PCYT1B: variants seen among roughly 807,000 people sequenced by gnomAD.
PCYT1B encodes the protein choline-phosphate cytidylyltransferase B.
Under a neutral mutation model 26.4 loss-of-function variants are expected in PCYT1B, and 10 were observed. That is an observed-to-expected ratio of 0.38 (90% confidence interval 0.23 to 0.64). The LOEUF is 0.64. Among genes scored for constraint, PCYT1B ranks in the 30% least tolerant of loss-of-function variants. PCYT1B has a pLI of 0.56. For missense variants in PCYT1B, 161 were observed against 292.7 expected, an observed-to-expected ratio of 0.55 and a Z score of 3.28; for synonymous variants, 131 against 108.4, an observed-to-expected ratio of 1.21 and a Z score of -1.29.
intron 3 of PCYT1B, among the ~76,000 whole-genome samples, chrX:24,592,273 A>G (rs905095139): frequency 3.6e-5 from 4 of 112,187 alleles, no homozygotes; most frequent in Admixed American, 9.4e-5. Flanking sequence ...GCCTAATCTC[A>G]CAAGATGTGT....
rs1310917949 is a variant in PCYT1B at position 24,561,270 on chromosome X, C to T, written c.*1023G>A. 8.9e-6 allele frequency: 1 copy of T among 111,917 alleles called. No individual in the cohort carries two copies. The highest frequency in any genetic ancestry group is 1.9e-5 in the Non-Finnish European group (1 of 53,153). The allele number at this position is 111,917 out of a possible 1,213,427, so 9.2% of individuals were successfully genotyped here. A position where few individuals can be genotyped will look rare whatever the true frequency, so the allele number is the denominator to read the frequency against. On this transcript the variant is annotated 3_prime_UTR_variant, in exon 8 of 8. Transcript: ENST00000379144. ...TTATAAAATGCCACCACTATATACT[C>T]ATATTGCACATGGGATACACCCGGG...
Position 24,608,925 on chromosome X carries a change from T to G in PCYT1B, c.218-1064A>C, listed in dbSNP as rs1378602037. 2.7e-5 allele frequency among the ~76,000 whole-genome samples: 3 copies of G among 111,746 alleles called. No individual in the cohort carries two copies. In the Admixed American group the frequency reaches 2.9e-4, roughly 11 times the overall value. ...ATGCCTCCTACATTTATATAGAAAATTCTATGTATTTTGCCAACCTTGACA... is the reference window on the plus strand; with the variant it reads ...ATGCCTCCTACATTTATATAGAAAAGTCTATGTATTTTGCCAACCTTGACA... On this transcript the variant is annotated intron_variant, in intron 2 of 7. Coordinates refer to ENST00000379144, the MANE Select transcript of PCYT1B (RefSeq NM_004845.5).
At chrX:24,625,917 C>A (rs1352141941) in intron 1 of PCYT1B, among the ~76,000 whole-genome samples, 2 of 107,835 alleles carry the variant, frequency 1.9e-5, no homozygotes, top group African/African-American at 3.4e-5. Context: ...AGTTCAAGAC[C>A]AGCCTGGCCA....
intron 1 of PCYT1B, among the ~76,000 whole-genome samples, chrX:24,637,491 A>AAAAATATATATAT: frequency 5.7e-5 from 3 of 52,890 alleles, no homozygotes; most frequent in African/African-American, 1.5e-4. Flanking sequence ...AAAAAAAAAA[A>AAAAATATATATAT]ATATATATAT....
intron 5 of PCYT1B, among the ~76,000 whole-genome samples, chrX:24,584,082 C>T (rs912115357): frequency 8.9e-6 from 1 of 112,006 alleles, no homozygotes; most frequent in African/African-American, 3.2e-5. Flanking sequence ...TAGCTATAAT[C>T]CCAGCACTTT....
At chrX:24,637,595 C>T (rs1159309984) in intron 1 of PCYT1B, among the ~76,000 whole-genome samples, 5 of 100,849 alleles carry the variant, frequency 5.0e-5, no homozygotes, top group Admixed American at 1.1e-4. Context: ...ACCTGGGAGG[C>T]GGAGGTTGCA....
chrX:24,629,256 T>G (rs1925972732), intron 1 of PCYT1B, among the ~76,000 whole-genome samples: 1 of 111,576 alleles, frequency 9.0e-6, no homozygotes, highest in Non-Finnish European at 1.9e-5. Flanking sequence ...AAAATTATCT[T>G]AAATATCTTT....
At chrX:24,613,143 T>C (rs1173209189) in intron 2 of PCYT1B, among the ~76,000 whole-genome samples, 1 of 111,943 alleles carries the variant, frequency 8.9e-6, no homozygotes, top group Non-Finnish European at 1.9e-5. Context: ...CTCACCACTC[T>C]TTCTTCTACC....
At chrX:24,670,109 AAAGAAAGG>A (rs1241515896) in intron 1 of PCYT1B, among the ~76,000 whole-genome samples, 38 of 25,220 alleles carry the variant, frequency 1.5e-3, no homozygotes, top group African/African-American at 3.0e-3. Context: ...AGAAAGAAAG[AAAGAAAGG>A]AAGGAAGGAA....
chrX:24,560,771 C>T lies in PCYT1B; in HGVS notation c.*1522G>A, dbSNP rs1170363840. On this transcript the variant is annotated 3_prime_UTR_variant, in exon 8 of 8. Coordinates refer to ENST00000379144, the MANE Select transcript of PCYT1B (RefSeq NM_004845.5). ...TATCACAAGAGATTCTGGGCTCTGCCTACAAGTTGCTGGTTTGGGCCTCTA... is the reference window on the plus strand; with the variant it reads ...TATCACAAGAGATTCTGGGCTCTGCTTACAAGTTGCTGGTTTGGGCCTCTA... 1 of 112,188 alleles carries T rather than the reference C, an allele frequency of 8.9e-6. No homozygotes were observed. Among genetic ancestry groups the T allele is most frequent in the Non-Finnish European group, 1.9e-5 (1 of 53,186 alleles). 9.2% of individuals were successfully genotyped at this position (112,188 alleles called of 1,213,427 possible).
chrX:24,658,520 T>G (rs1231440496), intron 1 of PCYT1B, among the ~76,000 whole-genome samples: 1 of 104,239 alleles, frequency 9.6e-6, no homozygotes, highest in African/African-American at 3.5e-5. Context: ...TTTTTTTTTT[T>G]TTTTTTTTTA....
intron 2 of PCYT1B, among the ~76,000 whole-genome samples, chrX:24,613,665 G>C (rs778185560): frequency 9.0e-6 from 1 of 110,857 alleles, no homozygotes; most frequent in Non-Finnish European, 1.9e-5. Flanking sequence ...AGAAAAGTCA[G>C]TTTAGGGCCG....
Position 24,647,164 on chromosome X carries a change from A to G in PCYT1B, c.-59T>C. 2 of 1,173,151 alleles carry G rather than the reference A, an allele frequency of 1.7e-6. No individual in the cohort carries two copies. The highest frequency in any genetic ancestry group is 3.1e-5 in the East Asian group (1 of 32,353). ...CAGAGAGTCTCCTCCCAGGCAGAGAATGTTTTCTTTGTCACGTATTTTTCT... is the reference window on the plus strand; with the variant it reads ...CAGAGAGTCTCCTCCCAGGCAGAGAGTGTTTTCTTTGTCACGTATTTTTCT... On this transcript the variant is annotated 5_prime_UTR_variant, in exon 1 of 8. Coordinates refer to ENST00000379144, the MANE Select transcript of PCYT1B (RefSeq NM_004845.5).
chrX:24,652,577 T>G (rs1334490957), intron 1 of PCYT1B, among the ~76,000 whole-genome samples: 5 of 107,270 alleles, frequency 4.7e-5, no homozygotes, highest in African/African-American at 1.7e-4. Flanking sequence ...AAAAAAGTAA[T>G]GACAAAAAAC....
intron 1 of PCYT1B, among the ~76,000 whole-genome samples, chrX:24,638,600 C>A (rs1185045632): frequency 9.0e-6 from 1 of 111,390 alleles, no homozygotes; most frequent in Non-Finnish European, 1.9e-5. Flanking sequence ...TTTTCCTTTT[C>A]ATTCTTCCCC....
intron 3 of PCYT1B, among the ~76,000 whole-genome samples, chrX:24,595,735 C>G (rs1924753837): frequency 9.1e-6 from 1 of 110,185 alleles, no homozygotes; most frequent in African/African-American, 3.3e-5. Flanking sequence ...TAAAAATTAG[C>G]CGGGCGTTAG....
At chrX:24,579,199 A>AAAAAG in intron 6 of PCYT1B, 117 bp downstream of exon 6, 6 of 475,662 alleles carry the variant, frequency 1.3e-5, no homozygotes, top group Non-Finnish European at 2.0e-5. Context: ...AAAAAAAAAA[A>AAAAAG]AGAGAGAGAG....
At chrX:24,659,853 T>C (rs1275053393) in intron 1 of PCYT1B, among the ~76,000 whole-genome samples, 2 of 112,047 alleles carry the variant, frequency 1.8e-5, no homozygotes, top group Non-Finnish European at 3.8e-5. Flanking sequence ...AGAGCCCTCA[T>C]GACCTAATCA....
intron 1 of PCYT1B, among the ~76,000 whole-genome samples, chrX:24,634,626 G>A (rs1376852943): frequency 9.0e-6 from 1 of 110,949 alleles, no homozygotes; most frequent in African/African-American, 3.3e-5. Context: ...CATGCCTGTA[G>A]TCCCAGCTAC....
Sources: gnomAD v4.1 joint callset for allele counts (sites outside exome capture counted in the v4.1 genomes callset) on GRCh38, gnomAD v4.1.1 for gene constraint, MANE v1.5 for transcripts, NCBI Gene and HGNC (gene_info 2026-07-23, HGNC 2026-07-21) for gene names.